The following ANGEL1 variants were observed in gnomAD, a reference collection of about 807,000 sequenced individuals.
The protein encoded by ANGEL1 is angel homolog 1, also known as RNA 2',3'-cyclic phosphatase ANGEL1.
Under a neutral mutation model 76.4 loss-of-function variants are expected in ANGEL1, and 62 were observed. That is an observed-to-expected ratio of 0.81 (90% CI 0.66 to 1.00). The LOEUF (loss-of-function observed/expected upper bound fraction) is 1.00, where lower values mean the gene tolerates loss of function less well. ANGEL1 is among the 50% of genes least tolerant of loss of function. The probability of loss-of-function intolerance (pLI) is 0.00; values close to 1 mark genes in which losing one functional copy is unlikely to be tolerated. For synonymous variants in ANGEL1, 340 were observed against 331.7 expected (o/e 1.03, Z -0.27); for missense variants, 737 against 836.7 (o/e 0.88, Z 1.47).
chr14:76,807,439 T>A lies in ANGEL1; in HGVS notation c.940A>T (p.Met314Leu). ...TCCCAGGGAGCTGCATTACCCATCA[T>A]TCGCAGAGAGGGTTCCAGCTGCTCC... Reference protein sequence around the residue: ...YWEQLEPSLRMMGFTCFYKRR... With the variant: ...YWEQLEPSLRLMGFTCFYKRR... The change falls in exon 4 of 10, where the codon ATG (methionine) becomes TTG (leucine). Residue 314 changes from methionine (M) to leucine (L), a missense_variant. Coordinates refer to ENST00000251089, the MANE Select transcript of ANGEL1 (RefSeq NM_015305.4). The A allele has an allele frequency of 6.2e-7, 1 of 1,612,292 alleles. No homozygotes were observed. Among genetic ancestry groups the A allele is most frequent in the East Asian group, 2.2e-5 (1 of 44,870 alleles).
chr14:76,792,883 G>C (rs1052515421), intron 7 of ANGEL1, among the ~76,000 whole-genome samples: 1 of 152,116 alleles, frequency 6.6e-6, no homozygotes, highest in Non-Finnish European at 1.5e-5. Context: ...TGTACCAAAA[G>C]TTTTAGTCAG....
rs1894319947 is a variant in ANGEL1, at chr14:76,789,007, T to G, written c.*221A>C. Reference sequence around the variant, plus strand: ...GCCTCTCCCAGGGCCACTGAGTGTGTGGCACAGGATTAGGAAGAGGCTGGG... The same window carrying G: ...GCCTCTCCCAGGGCCACTGAGTGTGGGGCACAGGATTAGGAAGAGGCTGGG... On this transcript the variant is annotated 3_prime_UTR_variant, in exon 10 of 10. Coordinates refer to ENST00000251089, the MANE Select transcript of ANGEL1 (RefSeq NM_015305.4). The G allele has an allele frequency of 1.8e-6, 1 of 547,536 alleles. No individual in the cohort carries two copies. The allele number at this position is 547,536 out of a possible 1,614,324, so 33.9% of individuals were successfully genotyped here. A position where few individuals can be genotyped will look rare whatever the true frequency, so the allele number is the denominator to read the frequency against.
rs767494689 is a variant in ANGEL1 at position 76,791,275 on chromosome 14, G to A, written c.1688+22C>T. 12 of 1,613,668 alleles carry A rather than the reference G, an allele frequency of 7.4e-6. 2 individuals are homozygous for A. The South Asian group carries it at 1.1e-4, about 15-fold the overall frequency. On this transcript the variant is annotated intron_variant, in intron 8 of 9. Transcript: ENST00000251089. The stretch of plus-strand genomic sequence containing the variant: ...CTAGGCAAGGGCTGGATTGAAAACA[G>A]AAGAGAACTGGAGAAGGTTACCTGG...
chr14:76,791,518 T>C (rs1566695061), intron 7 of ANGEL1, 152 bp from the exon 8 acceptor site: 1 of 685,646 alleles, frequency 1.5e-6, no homozygotes, highest in Non-Finnish European at 2.4e-6. Flanking sequence ...GAGGAGAAGA[T>C]GACCATAAAC....
Position 76,809,251 on chromosome 14 carries a change from G to A in ANGEL1, c.457C>T (p.Gln153Ter). 6.2e-7 allele frequency: 1 copy of A among 1,613,196 alleles called. No individual in the cohort carries two copies. The highest frequency in any genetic ancestry group is 8.5e-7 in the Non-Finnish European group (1 of 1,179,538). The change falls in exon 2 of 10, where the codon CAG (glutamine) becomes TAG (stop). Residue 153 changes from glutamine (Q) to a stop codon, truncating the protein, a stop_gained. Coordinates refer to ENST00000251089, the MANE Select transcript of ANGEL1 (RefSeq NM_015305.4). LOFTEE classifies it high-confidence loss of function. ...EGSMWAAIPMQSEPQYADCAA... is the reference protein window; with the variant it reads ...EGSMWAAIPM Reference sequence around the variant, plus strand: ...CAGTCTGCATACTGGGGCTCCGACTGCATGGGGATAGCTGCCCACATGGAG... The same window carrying A: ...CAGTCTGCATACTGGGGCTCCGACTACATGGGGATAGCTGCCCACATGGAG...
chr14:76,803,818 T>A lies in ANGEL1; in HGVS notation c.1475A>T (p.Gln492Leu), dbSNP rs1894835906. 7 of 1,613,936 alleles carry A rather than the reference T, an allele frequency of 4.3e-6. No individual in the cohort carries two copies. Among genetic ancestry groups the A allele is most frequent in the African/African-American group, 4.0e-5 (3 of 74,938 alleles). ...CTTGGGGTGACAGGAGGTGACATAC[T>A]GACAGCAATCAGTGATGCCCAGGGA... ...PSSLGITDCCQYVTSCHPKRS... is the reference protein window; with the variant it reads ...PSSLGITDCCLYVTSCHPKRS... Residue 492 changes from glutamine (Q) to leucine (L), a missense_variant, in exon 6 of 10, where the codon CAG (glutamine) becomes CTG (leucine). Gln to Leu is a moderately radical substitution (Grantham distance 113). Coordinates refer to ENST00000251089, the MANE Select transcript of ANGEL1 (RefSeq NM_015305.4).
Position 76,809,288 on chromosome 14 carries a change from C to G in ANGEL1, c.420G>C (p.Glu140Asp). 1 of 1,613,986 alleles carries G rather than the reference C, an allele frequency of 6.2e-7. No homozygotes were observed. Among genetic ancestry groups the G allele is most frequent in the Non-Finnish European group, 8.5e-7 (1 of 1,179,870 alleles). Residue 140 changes from glutamate (E) to aspartate (D), a missense_variant, in exon 2 of 10, where the codon GAG becomes GAC. This residue lies in a region of ANGEL1 where 441 missense variants were observed against 449.5 expected (regional missense o/e 0.98). Transcript: ENST00000251089. ...MLGEEPLLEVEGVEGSMWAAI... is the reference protein window; with the variant it reads ...MLGEEPLLEVDGVEGSMWAAI... ...CTGCCCACATGGAGCCCTCCACCCCCTCCACCTCCAGCAGTGGCTCCTCTC... is the reference window on the plus strand; with the variant it reads ...CTGCCCACATGGAGCCCTCCACCCCGTCCACCTCCAGCAGTGGCTCCTCTC...
At chr14:76,798,093 C>T (rs992069716) in intron 7 of ANGEL1, among the ~76,000 whole-genome samples, 6 of 150,798 alleles carry the variant, frequency 4.0e-5, no homozygotes, top group African/African-American at 1.2e-4. Context: ...GAACCAGGAA[C>T]CAGGCCCTCA....
rs571240902 is a variant in ANGEL1 at position 76,805,047 on chromosome 14, A to T, written c.1381-1135T>A. 2.4e-4 allele frequency among the ~76,000 whole-genome samples: 37 copies of T among 151,998 alleles called. 3 individuals are homozygous for T. In the South Asian group the frequency reaches 5.8e-3, roughly 24 times the overall value. ...AATAAATAAATAAATAAATAAATAA[A>T]TAAATAAAATGGGATAATAATACCA... On this transcript the variant is annotated intron_variant, in intron 5 of 9. Transcript: ENST00000251089.
At chr14:76,803,233 C>T (rs1395745757) in intron 7 of ANGEL1, 138 bp downstream of exon 7, 2 of 708,924 alleles carry the variant, frequency 2.8e-6, no homozygotes, top group Non-Finnish European at 4.6e-6. Flanking sequence ...ACTCAACTAA[C>T]CTTCCTTCTA....
chr14:76,793,418 A>G (rs1462919973), intron 7 of ANGEL1, among the ~76,000 whole-genome samples: 9 of 4,092 alleles, frequency 2.2e-3, no homozygotes, highest in Middle Eastern at 0.045. Flanking sequence ...AAAAGGAAAG[A>G]GGAGAGGGGA....
At chr14:76,812,185 G>A (rs1437234971) in intron 1 of ANGEL1, 3 of 955,520 alleles carry the variant, frequency 3.1e-6, no homozygotes, top group Non-Finnish European at 3.7e-6. Context: ...CGGGAGTGGG[G>A]GCAGGAATGC....
At chr14:76,796,365 T>G (rs1894578071) in intron 7 of ANGEL1, among the ~76,000 whole-genome samples, 1 of 151,870 alleles carries the variant, frequency 6.6e-6, no homozygotes, top group South Asian at 2.1e-4. Flanking sequence ...CCTTTTACCT[T>G]AGCCTCTCGG....
intron 7 of ANGEL1, among the ~76,000 whole-genome samples, chr14:76,792,184 C>T (rs1388537592): frequency 3.3e-5 from 5 of 152,076 alleles, no homozygotes; most frequent in Non-Finnish European, 7.4e-5. Context: ...TAGAAAGACA[C>T]AAACTATGCA....
intron 9 of ANGEL1, among the ~76,000 whole-genome samples, 166 bp downstream of exon 9, chr14:76,790,445 G>A (rs1399189102): frequency 6.6e-6 from 1 of 152,168 alleles, no homozygotes; most frequent in Non-Finnish European, 1.5e-5. Flanking sequence ...GCAGGCAAGT[G>A]GCCTATGGGG....
intron 5 of ANGEL1, 76 bp downstream of exon 5, chr14:76,806,340 G>A: frequency 6.7e-7 from 1 of 1,489,108 alleles, no homozygotes; most frequent in South Asian, 1.3e-5. Flanking sequence ...CCCTGCCACA[G>A]AAGAAGCACT....
At chr14:76,790,930 C>G (rs753096084) in intron 8 of ANGEL1, among the ~76,000 whole-genome samples, 156 bp from the exon 9 acceptor site, 1 of 152,138 alleles carries the variant, frequency 6.6e-6, no homozygotes, top group Non-Finnish European at 1.5e-5. Context: ...GGCTGGCAGT[C>G]TTAGCTAAAA....
intron 2 of ANGEL1, among the ~76,000 whole-genome samples, chr14:76,808,838 T>C (rs979334118): frequency 5.9e-5 from 9 of 152,222 alleles, no homozygotes; most frequent in African/African-American, 1.9e-4. Flanking sequence ...ACTTTAGTCA[T>C]GTTCTACTAC....
intron 4 of ANGEL1, 122 bp downstream of exon 4, chr14:76,807,311 G>A (rs2140228770): frequency 4.4e-6 from 4 of 917,308 alleles, no homozygotes; most frequent in East Asian, 5.3e-5. Context: ...CACATGGAAG[G>A]AGCTAGCTCA....
Sources: allele counts gnomAD v4.1 joint callset (sites outside exome capture counted in the v4.1 genomes callset), GRCh38; gene constraint gnomAD v4.1.1; regional missense constraint gnomAD v4.1.1; transcripts MANE v1.5; gene names NCBI Gene and HGNC (gene_info 2026-07-23, HGNC 2026-07-21).